The following HS6ST2 variants were observed in gnomAD, a reference collection of about 807,000 sequenced individuals.
HS6ST2 encodes the protein heparan-sulfate 6-O-sulfotransferase 2.
In HS6ST2, 17 loss-of-function variants were observed where a neutral mutation model predicts 33.0. The ratio of observed to expected loss-of-function variants is 0.52; its 90% CI spans 0.35 to 0.77. HS6ST2 has a LOEUF of 0.77. Ranked by LOEUF, HS6ST2 falls within the 30% of genes least tolerant of loss-of-function variation. HS6ST2 has a pLI of 0.01. For synonymous variants in HS6ST2, 248 were observed against 237.1 expected (o/e 1.05, Z -0.42); for missense variants, 519 against 551.7 (o/e 0.94, Z 0.59).
At chrX:132,798,365 C>A (rs2065205013) in intron 2 of HS6ST2, among the ~76,000 whole-genome samples, 1 of 111,355 alleles carries the variant, frequency 9.0e-6, no homozygotes, top group Non-Finnish European at 1.9e-5. Context: ...GGTCACTCAG[C>A]AGAATAGCCA....
chrX:132,737,115 C>T (rs1161486706), intron 2 of HS6ST2, among the ~76,000 whole-genome samples: 1 of 111,186 alleles, frequency 9.0e-6, no homozygotes, highest in Non-Finnish European at 1.9e-5. Flanking sequence ...CCCTGAGGCT[C>T]AGAAGGGAGG....
intron 2 of HS6ST2, among the ~76,000 whole-genome samples, chrX:132,916,421 A>G (rs989286390): frequency 6.0e-5 from 6 of 99,814 alleles, no homozygotes; most frequent in African/African-American, 2.2e-4. Context: ...GATGATGGAC[A>G]GTGTGATGGT....
intron 2 of HS6ST2, among the ~76,000 whole-genome samples, chrX:132,930,980 C>T (rs929042534): frequency 1.8e-5 from 2 of 111,399 alleles, no homozygotes; most frequent in African/African-American, 6.5e-5. Flanking sequence ...ATCCATCATA[C>T]CTAAAACCAA....
At chrX:132,852,078 G>A (rs1382885554) in intron 2 of HS6ST2, among the ~76,000 whole-genome samples, 1 of 111,309 alleles carries the variant, frequency 9.0e-6, no homozygotes, top group Non-Finnish European at 1.9e-5. Context: ...GGAGTTCAAG[G>A]CTGCAGTGAG....
Position 132,628,748 on chromosome X carries a change from G to A in HS6ST2, c.1413C>T (p.Phe471=), listed in dbSNP as rs1221969429. 5 of 1,211,762 alleles carry A rather than the reference G, an allele frequency of 4.1e-6. No individual in the cohort carries two copies. The highest frequency in any genetic ancestry group is 3.4e-6 in the Non-Finnish European group (3 of 895,421). ...TCTTCCGCTGAAACTCAGTGAGGCC[G>A]AAGAACGCCATGTGCTTCAGATTTG... ...AKSNLKHMAF[F]GLTEFQRKTQ... Residue 471 remains phenylalanine, a synonymous_variant, in exon 5 of 5, where the codon TTC becomes TTT. Coordinates refer to ENST00000370833, the MANE Select transcript of HS6ST2 (RefSeq NM_001394073.1).
chrX:132,795,067 CAT>C (rs2065163054), intron 2 of HS6ST2, among the ~76,000 whole-genome samples: 1 of 110,779 alleles, frequency 9.0e-6, no homozygotes, highest in Admixed American at 9.7e-5. Flanking sequence ...AACTGGGAGA[CAT>C]AGAAATCTGT....
chrX:132,791,985 GA>G (rs762811746), intron 2 of HS6ST2, among the ~76,000 whole-genome samples: 27 of 104,035 alleles, frequency 2.6e-4, no homozygotes, highest in South Asian at 4.1e-4. Context: ...CCTGTCTCCA[GA>G]AAAAAAAAAA....
intron 2 of HS6ST2, among the ~76,000 whole-genome samples, chrX:132,867,218 T>G (rs2065996224): frequency 9.3e-6 from 1 of 107,175 alleles, no homozygotes; most frequent in South Asian, 4.1e-4. Flanking sequence ...AAAGGCCTTT[T>G]CTGCATCTAT....
At chrX:132,707,541 G>C (rs1201308462) in intron 3 of HS6ST2, among the ~76,000 whole-genome samples, 1 of 112,171 alleles carries the variant, frequency 8.9e-6, no homozygotes, top group Non-Finnish European at 1.9e-5. Flanking sequence ...TGTCCTTGTG[G>C]AGAAATGCCA....
intron 4 of HS6ST2, among the ~76,000 whole-genome samples, chrX:132,657,304 G>A (rs1250729031): frequency 9.0e-6 from 1 of 111,362 alleles, no homozygotes; most frequent in Non-Finnish European, 1.9e-5. Flanking sequence ...TCCAGACTTG[G>A]TGTGTGTTTT....
intron 2 of HS6ST2, among the ~76,000 whole-genome samples, chrX:132,803,522 C>G (rs190456329): frequency 7.7e-4 from 86 of 111,775 alleles, no homozygotes; most frequent in Middle Eastern, 4.6e-3. Context: ...GATTCTCGTG[C>G]CTTAGCCTCC....
In HS6ST2 at chrX:132,947,463, T is replaced by A. The variant is rs192655124; in HGVS notation, c.947+9345A>T. ...TTTCAAACTTATGGTATTAAGCATA[T>A]GCAAGTTTAGAATTGTTATCTGAAA... On this transcript the variant is annotated intron_variant, in intron 2 of 4. Transcript: ENST00000370833. 1.4e-4 allele frequency among the ~76,000 whole-genome samples: 16 copies of A among 111,394 alleles called. No individual in the cohort carries two copies. The East Asian group carries it at 3.7e-3, about 25-fold the overall frequency.
intron 2 of HS6ST2, among the ~76,000 whole-genome samples, chrX:132,825,762 C>T (rs1297305907): frequency 1.1e-5 from 1 of 92,739 alleles, no homozygotes; most frequent in African/African-American, 4.0e-5. Flanking sequence ...GGTCTCTTAG[C>T]CATCTCTCTA....
rs754093892 is a variant in HS6ST2, at chrX:132,669,229, T to C, written c.981-30A>G. On this transcript the variant is annotated intron_variant, in intron 3 of 4. Transcript: ENST00000370833. ...ACCCACAGAAAGAATAGAAAACATA[T>C]ACACAACAAGGACCACAGAGACAAA... 4.3e-6 allele frequency: 5 copies of C among 1,157,922 alleles called. No homozygotes were observed. The African/African-American group carries it at 5.4e-5, about 12-fold the overall frequency.
At chrX:132,756,958 T>C (rs1020995755) in intron 2 of HS6ST2, among the ~76,000 whole-genome samples, 1 of 110,324 alleles carries the variant, frequency 9.1e-6, no homozygotes, top group African/African-American at 3.3e-5. Flanking sequence ...GGAAAGATAA[T>C]AATTTTTTAT....
chrX:132,883,969 G>T (rs894688582), intron 2 of HS6ST2, among the ~76,000 whole-genome samples: 1 of 111,899 alleles, frequency 8.9e-6, no homozygotes, highest in Non-Finnish European at 1.9e-5. Context: ...ATGTTAATTT[G>T]TTTGTTGTGG....
In HS6ST2 at chrX:132,957,331, G is replaced by A; in HGVS notation, c.429-5C>T. ...TTCTCATCCATGTTCCCGACGCTGG[G>A]GGAAACCCAAGCTCGTTACGTCAAT... On this transcript the variant is annotated splice_region_variant and splice_polypyrimidine_tract_variant and intron_variant, in intron 1 of 4. Coordinates refer to ENST00000370833, the MANE Select transcript of HS6ST2 (RefSeq NM_001394073.1). The A allele has an allele frequency of 8.7e-7, 1 of 1,154,267 alleles. No individual in the cohort carries two copies. The highest frequency in any genetic ancestry group is 3.0e-5 in the East Asian group (1 of 33,205).
chrX:132,777,533 C>T (rs762131087), intron 2 of HS6ST2, among the ~76,000 whole-genome samples: 241 of 109,338 alleles, frequency 2.2e-3, no homozygotes, highest in Non-Finnish European at 3.3e-3. Flanking sequence ...AGGATTCAGG[C>T]GATTCTCCTG....
At chrX:132,657,206 G>GA in intron 4 of HS6ST2, among the ~76,000 whole-genome samples, 1 of 111,043 alleles carries the variant, frequency 9.0e-6, no homozygotes, top group Non-Finnish European at 1.9e-5. Flanking sequence ...CAAGCAAGCA[G>GA]AAAAAAATAA....
Sources: allele counts gnomAD v4.1 joint callset (sites outside exome capture counted in the v4.1 genomes callset), GRCh38; gene constraint gnomAD v4.1.1; transcripts MANE v1.5; gene names NCBI Gene and HGNC (gene_info 2026-07-23, HGNC 2026-07-21).